Variants in TMCC2 observed in about 807,000 individuals in gnomAD.
The protein encoded by TMCC2 is transmembrane and coiled-coil domain family 2.
Under a neutral mutation model 49.4 loss-of-function variants are expected in TMCC2, and 16 were observed. The observed-to-expected ratio is 0.32, with a 90% confidence interval of 0.22 to 0.49. The LOEUF (loss-of-function observed/expected upper bound fraction) is 0.49. Among genes scored for constraint, TMCC2 ranks in the 20% least tolerant of loss-of-function variants. The pLI is 0.99. For missense variants in TMCC2, 762 were observed against 989.8 expected (o/e 0.77, Z 3.09); for synonymous variants, 397 against 434.1 (o/e 0.91, Z 1.06).
At chr1:205,238,524 C>T (rs1003564120) in intron 1 of TMCC2, among the ~76,000 whole-genome samples, 3 of 152,146 alleles carry the variant, frequency 2.0e-5, no homozygotes, top group African/African-American at 4.8e-5. Flanking sequence ...CCCTAGGTTT[C>T]CTTCAGCTGC....
At position 205,228,670 on chromosome 1, in the gene TMCC2, G is replaced by C. The variant is rs1189699018; in HGVS notation, c.106G>C (p.Gly36Arg). Residue 36 changes from glycine to arginine, a missense_variant, in exon 1 of 5, where the codon GGG becomes CGG. By Grantham distance (125) the Gly-to-Arg change is moderately radical (BLOSUM62 -2). Coordinates refer to ENST00000358024, the MANE Select transcript of TMCC2 (RefSeq NM_014858.4). Reference sequence around the variant, plus strand: ...CCTGCCGGGCGCGGACCTCCGGCCTGGGGAGACCACGGGTGCTAACTCTGC... The same window carrying C: ...CCTGCCGGGCGCGGACCTCCGGCCTCGGGAGACCACGGGTGCTAACTCTGC... ...SHLPGADLRP[G>R]ETTGANSAGG... is the part of the protein sequence containing the mutation. 1 of 1,613,056 alleles carries C rather than the reference G, an allele frequency of 6.2e-7. No individual in the cohort carries two copies. Among genetic ancestry groups the C allele is most frequent in the Non-Finnish European group, 8.5e-7 (1 of 1,179,910 alleles).
intron 1 of TMCC2, among the ~76,000 whole-genome samples, chr1:205,237,994 C>T (rs958342310): frequency 2.0e-5 from 3 of 152,198 alleles, no homozygotes; most frequent in African/African-American, 7.2e-5. Context: ...TGTTTGTTTG[C>T]CACCTCTAAC....
In TMCC2 at chr1:205,269,562, CCT is replaced by C. The variant is rs768652321; in HGVS notation, c.1361_1362del (p.Pro454ArgfsTer23). ...GAAGGACCCCCTGGAAGATGGGCCC[CCT>C]GAGGAGGCAGCCCGGGCACTGAGCG... The part of the protein sequence containing the change: ...HLKDPLEDGP[P>X]EEAARALSGS... On this transcript the variant is annotated frameshift_variant, in exon 3 of 5. Transcript: ENST00000358024. LOFTEE classifies it high-confidence loss of function. 1 of 1,613,846 alleles carries C rather than the reference CCT, an allele frequency of 6.2e-7. No homozygotes were observed.
intron 2 of TMCC2, among the ~76,000 whole-genome samples, chr1:205,242,731 A>G (rs1167200793): frequency 6.6e-6 from 1 of 152,170 alleles, no homozygotes; most frequent in Non-Finnish European, 1.5e-5. Flanking sequence ...GAATGGACAG[A>G]GAGATGGGAG....
rs1801797 is a variant in TMCC2, at chr1:205,273,035, G to C, written c.*911G>C. The C allele has an allele frequency of 6.6e-6, 1 of 152,194 alleles. No individual in the cohort carries two copies. The highest frequency in any genetic ancestry group is 1.5e-5 in the Non-Finnish European group (1 of 68,040). 9.4% of individuals were successfully genotyped at this position (152,194 alleles called of 1,614,324 possible). On this transcript the variant is annotated 3_prime_UTR_variant, in exon 5 of 5. Transcript: ENST00000358024. ...GGATCATCCTGGCTGGGAGAAGTGG[G>C]ACCGAGCCACCCAGCCCCACTATCC...
chr1:205,248,517 G>T (rs1660543027), intron 2 of TMCC2, among the ~76,000 whole-genome samples: 1 of 152,236 alleles, frequency 6.6e-6, no homozygotes, highest in Admixed American at 6.5e-5. Context: ...TGGGGAAAAA[G>T]TTGTCATCAA....
intron 2 of TMCC2, among the ~76,000 whole-genome samples, chr1:205,253,137 C>G (rs1002318987): frequency 6.7e-6 from 1 of 150,342 alleles, no homozygotes; most frequent in Non-Finnish European, 1.5e-5. Flanking sequence ...CCTGTCTCTA[C>G]AAGAAAAAGC....
chr1:205,229,559 T>TGGGGGGGGGGGGGGGGGGGGGGGG, intron 1 of TMCC2: 1 of 189,972 alleles, frequency 5.3e-6, no homozygotes, highest in Non-Finnish European at 5.8e-6. Flanking sequence ...GGGGGGGGGG[T>TGGGGGGGGGGGGGGGGGGGGGGGG]GGTGGCGGGG....
At chr1:205,251,868 G>T (rs1172278077) in intron 2 of TMCC2, among the ~76,000 whole-genome samples, 1 of 152,198 alleles carries the variant, frequency 6.6e-6, no homozygotes, top group Non-Finnish European at 1.5e-5. Flanking sequence ...CTCATGGTAT[G>T]CTCTGAGCCC....
At chr1:205,260,470 C>T (rs1029427787) in intron 2 of TMCC2, among the ~76,000 whole-genome samples, 4 of 152,346 alleles carry the variant, frequency 2.6e-5, no homozygotes, top group African/African-American at 9.6e-5. Flanking sequence ...AGCTGCTACC[C>T]TACTAAACCT....
chr1:205,237,045 T>A (rs1318186), intron 1 of TMCC2, among the ~76,000 whole-genome samples: 40,453 of 151,724 alleles, frequency 0.27, 7,083 homozygotes, highest in Non-Finnish European at 0.39. Context: ...GTTTTTTTTT[T>A]AAAATTTCAT....
chr1:205,228,544 C>A lies in TMCC2; in HGVS notation c.-21C>A, dbSNP rs1442403106. ...ACGGCGCGCTGGAAGGACAGATTCC[C>A]CTTGCCGACCCACATACACCATGAA... On this transcript the variant is annotated 5_prime_UTR_variant, in exon 1 of 5. Coordinates refer to ENST00000358024, the MANE Select transcript of TMCC2 (RefSeq NM_014858.4). The A allele has an allele frequency of 6.3e-7, 1 of 1,581,490 alleles. No individual in the cohort carries two copies. The highest frequency in any genetic ancestry group is 8.6e-7 in the Non-Finnish European group (1 of 1,157,926).
rs889794729 is a variant in TMCC2, at chr1:205,267,958, G to C, written c.748-992G>C. The C allele has an allele frequency of 9.1e-6, 9 of 985,094 alleles. No homozygotes were observed. In the South Asian group the frequency reaches 4.2e-4, roughly 46 times the overall value. 61.0% of individuals were successfully genotyped at this position (985,094 alleles called of 1,614,324 possible). ...CGGGGACCTGGCCAGCAGGGTGGGG[G>C]TGGGGCATGCTCCTCTCCCAATTCT... On this transcript the variant is annotated intron_variant, in intron 2 of 4. Coordinates refer to ENST00000358024, the MANE Select transcript of TMCC2 (RefSeq NM_014858.4).
Position 205,269,480 on chromosome 1 carries a change from G to A in TMCC2, c.1278G>A (p.Arg426=). 6.2e-7 allele frequency: 1 copy of A among 1,608,004 alleles called. No individual in the cohort carries two copies. Among genetic ancestry groups the A allele is most frequent in the African/African-American group, 1.3e-5 (1 of 74,928 alleles). ...ATHTAVVSKP[R]EFASLIRNKF... ...ACACCGCCGTGGTGTCCAAGCCCCG[G>A]GAGTTTGCCAGCCTCATCCGCAACA... is the stretch of plus-strand genomic sequence containing the variant. Residue 426 remains arginine (R), a synonymous_variant, in exon 3 of 5, where the codon CGG becomes CGA. Transcript: ENST00000358024.
At position 205,271,913 on chromosome 1, in the gene TMCC2, G is replaced by C. The variant is rs757104633; in HGVS notation, c.1919G>C (p.Arg640Pro). The change falls in exon 5 of 5, where the codon CGG (arginine) becomes CCG (proline). Residue 640 changes from arginine to proline, a missense_variant. Arg to Pro is a moderately radical substitution (Grantham distance 103). Coordinates refer to ENST00000358024, the MANE Select transcript of TMCC2 (RefSeq NM_014858.4). ...GAGGGCGTGGAGAATGCCAACGCGC[G>C]GGCGCTGCTGGGCAAGTTCATCAAC... ...QLEGVENANARALLGKFINVI... is the reference protein window; with the variant it reads ...QLEGVENANAPALLGKFINVI... 2 of 1,614,178 alleles carry C rather than the reference G, an allele frequency of 1.2e-6. No homozygotes were observed. The highest frequency in any genetic ancestry group is 4.5e-5 in the East Asian group (2 of 44,884).
rs1181164640 is a variant in TMCC2 at position 205,271,287 on chromosome 1, A to G, written c.1818+32A>G. ...CCAGGGCAACCTTGGGAGGCCCCAG[A>G]TGTGCTGGTAGAGCTGGCAGCAGCC... On this transcript the variant is annotated intron_variant, in intron 4 of 4. Transcript: ENST00000358024. 6.8e-6 allele frequency: 11 copies of G among 1,613,664 alleles called. 1 individual carries two copies. In the South Asian group the frequency reaches 1.2e-4, roughly 18 times the overall value.
chr1:205,251,621 A>G (rs762231175), intron 2 of TMCC2, among the ~76,000 whole-genome samples: 11 of 152,238 alleles, frequency 7.2e-5, no homozygotes, highest in Admixed American at 1.3e-4. Flanking sequence ...GCTCTGTAAC[A>G]TTAACTTCAT....
At chr1:205,265,024 T>A (rs1261828033) in intron 2 of TMCC2, among the ~76,000 whole-genome samples, 1 of 152,192 alleles carries the variant, frequency 6.6e-6, no homozygotes, top group African/African-American at 2.4e-5. Context: ...AATGGGGATA[T>A]GTTCTGTGAC....
chr1:205,231,879 C>T (rs1473601519), intron 1 of TMCC2, among the ~76,000 whole-genome samples: 1 of 152,142 alleles, frequency 6.6e-6, no homozygotes, highest in Non-Finnish European at 1.5e-5. Context: ...TTTCTCATGA[C>T]AGCTCCAGGC....
Sources: allele counts gnomAD v4.1 joint callset (sites outside exome capture counted in the v4.1 genomes callset), GRCh38; gene constraint gnomAD v4.1.1; transcripts MANE v1.5; gene names NCBI Gene and HGNC (gene_info 2026-07-23, HGNC 2026-07-21).